Variants in TBK1 observed in about 807,000 individuals in gnomAD.
TBK1 encodes the protein serine/threonine-protein kinase TBK1.
In TBK1, 37 loss-of-function variants were observed where a neutral mutation model predicts 99.9. The observed-to-expected ratio is 0.37, with a 90% CI of 0.28 to 0.49. The LOEUF is 0.49. Among genes scored for constraint, TBK1 ranks in the 20% least tolerant of loss-of-function variants. TBK1 has a pLI of 0.98. For synonymous variants in TBK1, 258 were observed against 279.8 expected (o/e 0.92, Z 0.78); for missense variants, 644 against 872.5 (o/e 0.74, Z 3.30).
chr12:64,458,935 AG>A (rs1274782498), intron 2 of TBK1, among the ~76,000 whole-genome samples: 1 of 152,176 alleles, frequency 6.6e-6, no homozygotes, highest in Non-Finnish European at 1.5e-5. Flanking sequence ...ATCTTCCTCT[AG>A]AAAGAATATA....
intron 4 of TBK1, among the ~76,000 whole-genome samples, chr12:64,465,462 T>G (rs1184926057): frequency 6.6e-6 from 1 of 151,356 alleles, no homozygotes; most frequent in African/African-American, 2.4e-5. Flanking sequence ...ATATAAAAAC[T>G]TGTACTCCAG....
intron 6 of TBK1, among the ~76,000 whole-genome samples, 159 bp from the exon 7 acceptor site, chr12:64,479,853 A>G (rs2040750751): frequency 1.3e-5 from 2 of 152,220 alleles, no homozygotes; most frequent in Non-Finnish European, 2.9e-5. Context: ...AGTCAGATTC[A>G]AAGTATTTTG....
rs748061846 is a variant in TBK1, at chr12:64,460,226, A to G, written c.125A>G (p.Asn42Ser). ...TTATTTGCTATCAAAGTATTTAATA[A>G]CATAAGCTTCCTTCGTCCAGTGGAT... ...GDLFAIKVFN[N>S]ISFLRPVDVQ... is the part of the protein sequence containing the mutation. The change falls in exon 3 of 21, where the codon AAC becomes AGC. Residue 42 changes from asparagine to serine, a missense_variant. Asn to Ser is a conservative substitution (Grantham distance 46). Coordinates refer to ENST00000331710, the MANE Select transcript of TBK1 (RefSeq NM_013254.4). 38 of 1,562,742 alleles carry G rather than the reference A, an allele frequency of 2.4e-5. 1 individual carries two copies. The highest frequency in any genetic ancestry group is 1.7e-4 in the Middle Eastern group (1 of 5,776).
intron 7 of TBK1, among the ~76,000 whole-genome samples, chr12:64,481,348 G>A (rs1231672846): frequency 6.6e-6 from 1 of 152,108 alleles, no homozygotes; most frequent in Non-Finnish European, 1.5e-5. Context: ...AGCATACCAA[G>A]TTACAAATTC....
At chr12:64,457,700 G>A (rs1301031801) in intron 2 of TBK1, among the ~76,000 whole-genome samples, 1 of 152,066 alleles carries the variant, frequency 6.6e-6, no homozygotes, top group Non-Finnish European at 1.5e-5. Flanking sequence ...TATTGAAAGG[G>A]CCTGGCACTA....
intron 3 of TBK1, among the ~76,000 whole-genome samples, chr12:64,461,808 TGAG>T (rs765279022): frequency 6.6e-6 from 1 of 152,190 alleles, no homozygotes. Context: ...CTCACAAAAC[TGAG>T]GAGAGTGCTA....
intron 13 of TBK1, 138 bp downstream of exon 13, chr12:64,490,257 A>G (rs535539858): frequency 7.9e-6 from 4 of 503,612 alleles, no homozygotes; most frequent in South Asian, 3.9e-5. Context: ...CCGAGGCAGG[A>G]GGATCACTTG....
rs570226102 is a variant in TBK1 at position 64,454,763 on chromosome 12, G to C, written c.-31-1077G>C. 2.4e-3 allele frequency among the ~76,000 whole-genome samples: 308 copies of C among 129,410 alleles called. 1 individual carries two copies. Among genetic ancestry groups the C allele is most frequent in the African/African-American group, 8.4e-3 (286 of 34,030 alleles). The allele number at this position is 129,410 out of a possible 152,430, so 84.9% of individuals were successfully genotyped here. On this transcript the variant is annotated intron_variant, in intron 1 of 20. Transcript: ENST00000331710. ...GCGATCTCGGCTCACTGCAAGCTCCGCCTCCCGGGTTCCCGCCATTCTCCT... is the reference window on the plus strand; with the variant it reads ...GCGATCTCGGCTCACTGCAAGCTCCCCCTCCCGGGTTCCCGCCATTCTCCT...
chr12:64,481,775 A>T, intron 7 of TBK1, 67 bp from the exon 8 acceptor site: 1 of 1,166,972 alleles, frequency 8.6e-7, no homozygotes, highest in South Asian at 2.8e-5. Flanking sequence ...GGTAAATACT[A>T]TGATTTTTTA....
At chr12:64,466,584 C>CCA (rs2040606728) in intron 4 of TBK1, among the ~76,000 whole-genome samples, 1 of 151,824 alleles carries the variant, frequency 6.6e-6, no homozygotes, top group African/African-American at 2.4e-5. Flanking sequence ...AACAGATCAC[C>CCA]CACATATATA....
At chr12:64,498,402 C>T (rs534109796) in intron 20 of TBK1, among the ~76,000 whole-genome samples, 1 of 152,298 alleles carries the variant, frequency 6.6e-6, no homozygotes, top group Admixed American at 6.5e-5. Flanking sequence ...CTGCACACCT[C>T]CTTGCAGGTG....
intron 13 of TBK1, among the ~76,000 whole-genome samples, chr12:64,495,197 G>C (rs182201007): frequency 2.8e-3 from 427 of 152,284 alleles, no homozygotes; most frequent in Non-Finnish European, 4.7e-3. Flanking sequence ...TACAGATAAG[G>C]AAACAAGATT....
Position 64,501,548 on chromosome 12 carries a change from G to T in TBK1, c.*167G>T. 1 of 647,876 alleles carries T rather than the reference G, an allele frequency of 1.5e-6. No homozygotes were observed. Among genetic ancestry groups the T allele is most frequent in the Non-Finnish European group, 2.5e-6 (1 of 406,578 alleles). 40.1% of individuals were successfully genotyped at this position (647,876 alleles called of 1,614,324 possible). A position where few individuals can be genotyped will look rare whatever the true frequency, so the allele number is the denominator to read the frequency against. On this transcript the variant is annotated 3_prime_UTR_variant, in exon 21 of 21. Coordinates refer to ENST00000331710, the MANE Select transcript of TBK1 (RefSeq NM_013254.4). ...ATACATAAAAAATATACAAATTTTT[G>T]GCTGCTGTGAAGATGTAATTTTATC...
intron 5 of TBK1, among the ~76,000 whole-genome samples, chr12:64,468,209 CCTGG>C (rs2136064510): frequency 6.6e-6 from 1 of 151,674 alleles, no homozygotes; most frequent in African/African-American, 2.4e-5. Context: ...AAAAAAGGTA[CCTGG>C]CCCAGGCATG....
Position 64,497,763 on chromosome 12 carries a change from C to G in TBK1, c.2066+9C>G. 1 of 1,569,642 alleles carries G rather than the reference C, an allele frequency of 6.4e-7. No individual in the cohort carries two copies. Among genetic ancestry groups the G allele is most frequent in the South Asian group, 1.2e-5 (1 of 84,904 alleles). On this transcript the variant is annotated intron_variant, in intron 19 of 20. Coordinates refer to ENST00000331710, the MANE Select transcript of TBK1 (RefSeq NM_013254.4). ...GTAGAAATGACTCTTGGGTAAGAAA[C>G]TCATCATTTGGAAACTGTAGTGTTT...
At position 64,461,198 on chromosome 12, in the gene TBK1, AAAG is replaced by A. The variant is rs1478503203; in HGVS notation, c.228+872_228+874del. Among the ~76,000 whole-genome samples, 9 of 151,906 alleles carry A rather than the reference AAAG, an allele frequency of 5.9e-5. No individual in the cohort carries two copies. The South Asian group carries it at 1.3e-3, about 21-fold the overall frequency. On this transcript the variant is annotated intron_variant, in intron 3 of 20. Coordinates refer to ENST00000331710, the MANE Select transcript of TBK1 (RefSeq NM_013254.4). Reference sequence around the variant, plus strand: ...TTATAAAGAGAAAAAATAATTATAAAAAGAAAAAATCGAACTTTAAAAAAATAA... The same window carrying A: ...TTATAAAGAGAAAAAATAATTATAAAAAAAAATCGAACTTTAAAAAAATAA...
At chr12:64,501,062 T>A in intron 20 of TBK1, among the ~76,000 whole-genome samples, 1 of 152,138 alleles carries the variant, frequency 6.6e-6, no homozygotes, top group East Asian at 1.9e-4. Context: ...CCGGCCCCAA[T>A]TCTATCTTAG....
At chr12:64,483,486 G>C (rs981431745) in intron 8 of TBK1, among the ~76,000 whole-genome samples, 1 of 152,146 alleles carries the variant, frequency 6.6e-6, no homozygotes, top group Non-Finnish European at 1.5e-5. Flanking sequence ...CACATAACAA[G>C]TGCTGTTCTT....
At chr12:64,495,927 A>T (rs7295843) in intron 15 of TBK1, 152 bp downstream of exon 15, 140,902 of 267,994 alleles carry the variant, frequency 0.53, 17,986 homozygotes, top group Non-Finnish European at 0.55. Context: ...TGATTGTGTT[A>T]AAAAAAAAAA....
Sources: allele counts gnomAD v4.1 joint callset (sites outside exome capture counted in the v4.1 genomes callset), GRCh38; gene constraint gnomAD v4.1.1; transcripts MANE v1.5; gene names NCBI Gene and HGNC (gene_info 2026-07-23, HGNC 2026-07-21).